The following PLPPR5 variants were observed in gnomAD, a reference collection of about 807,000 sequenced individuals.
The protein encoded by PLPPR5 is phospholipid phosphatase related 5, also known as phospholipid phosphatase-related protein type 5.
In PLPPR5, 16 loss-of-function variants were observed where a neutral mutation model predicts 33.9. The ratio of observed to expected loss-of-function variants is 0.47; its 90% CI spans 0.32 to 0.72. The LOEUF (loss-of-function observed/expected upper bound fraction) is 0.72. Ranked by LOEUF, PLPPR5 falls within the 30% of genes least tolerant of loss-of-function variation. The pLI is 0.03. For synonymous variants in PLPPR5, 163 were observed against 150.3 expected, an observed-to-expected ratio of 1.08 and a Z score of -0.62; for missense variants, 301 against 406.7, an observed-to-expected ratio of 0.74 and a Z score of 2.23.
chr1:98,920,293 C>T (rs1011976418), intron 4 of PLPPR5, among the ~76,000 whole-genome samples: 1 of 151,952 alleles, frequency 6.6e-6, no homozygotes, highest in Non-Finnish European at 1.5e-5. Flanking sequence ...ATGTTATGGA[C>T]CCGCAGAGCT....
chr1:98,963,589 C>A (rs912301363), intron 1 of PLPPR5, among the ~76,000 whole-genome samples: 11 of 152,104 alleles, frequency 7.2e-5, no homozygotes, highest in African/African-American at 2.7e-4. Flanking sequence ...GAGTCTGAAT[C>A]CAAGTTCAGA....
chr1:98,899,968 A>C (rs1648631525), intron 5 of PLPPR5, among the ~76,000 whole-genome samples: 1 of 151,968 alleles, frequency 6.6e-6, no homozygotes, highest in Non-Finnish European at 1.5e-5. Flanking sequence ...AACCTCCTCA[A>C]CTATAATAAC....
chr1:98,926,574 T>A (rs74641447), intron 3 of PLPPR5, among the ~76,000 whole-genome samples: 23 of 152,100 alleles, frequency 1.5e-4, no homozygotes, highest in African/African-American at 5.3e-4. Flanking sequence ...TCACATGAAC[T>A]GATGCCTTAT....
chr1:98,962,540 G>A (rs1651284233), intron 1 of PLPPR5, among the ~76,000 whole-genome samples: 1 of 152,004 alleles, frequency 6.6e-6, no homozygotes, highest in African/African-American at 2.4e-5. Flanking sequence ...CTTTTTTCCT[G>A]CATTAAAGCA....
chr1:98,960,286 C>T (rs11166148), intron 1 of PLPPR5, among the ~76,000 whole-genome samples: 16,856 of 151,996 alleles, frequency 0.11, 1,230 homozygotes, highest in East Asian at 0.25. Flanking sequence ...TCACTGCAAC[C>T]TCCTCCTTCC....
intron 1 of PLPPR5, among the ~76,000 whole-genome samples, chr1:98,982,437 C>T (rs1343966708): frequency 6.6e-6 from 1 of 152,042 alleles, no homozygotes; most frequent in African/African-American, 2.4e-5. Context: ...TGGCCAATTC[C>T]TCAAACAAGC....
intron 3 of PLPPR5, among the ~76,000 whole-genome samples, chr1:98,922,520 T>TAGAAAACA (rs1649604735): frequency 6.6e-6 from 1 of 152,176 alleles, no homozygotes; most frequent in Admixed American, 6.5e-5. Flanking sequence ...AAAACCAGCA[T>TAGAAAACA]TATGAATACA....
At chr1:98,964,210 A>ATATC (rs1344026817) in intron 1 of PLPPR5, among the ~76,000 whole-genome samples, 20 of 152,212 alleles carry the variant, frequency 1.3e-4, no homozygotes, top group Non-Finnish European at 1.8e-4. Context: ...TTTCTTTGAT[A>ATATC]AAACTTCCTT....
chr1:98,923,522 AT>A (rs111575797), intron 3 of PLPPR5, among the ~76,000 whole-genome samples: 4,716 of 147,178 alleles, frequency 0.032, 98 homozygotes, highest in Middle Eastern at 0.096. Flanking sequence ...TATCTTCTCT[AT>A]TTTTTTTTTT....
chr1:98,902,919 T>C lies in PLPPR5; in HGVS notation c.934-9815A>G, dbSNP rs1648749677. Among the ~76,000 whole-genome samples, 7 of 152,148 alleles carry C rather than the reference T, an allele frequency of 4.6e-5. No homozygotes were observed. The South Asian group carries it at 1.4e-3, about 31-fold the overall frequency. Reference sequence around the variant, plus strand: ...GAAAGATGCTTTTATAAAAGGCCTGTTAGATAACTGAAGGGAAAAGCTGTC... The same window carrying C: ...GAAAGATGCTTTTATAAAAGGCCTGCTAGATAACTGAAGGGAAAAGCTGTC... On this transcript the variant is annotated intron_variant, in intron 5 of 5. Coordinates refer to ENST00000263177, the MANE Select transcript of PLPPR5 (RefSeq NM_001037317.2).
intron 1 of PLPPR5, among the ~76,000 whole-genome samples, chr1:98,968,513 T>A (rs1013568143): frequency 6.6e-6 from 1 of 152,072 alleles, no homozygotes; most frequent in Admixed American, 6.6e-5. Flanking sequence ...AAAATTTAAC[T>A]GTCCCTAGGT....
intron 1 of PLPPR5, among the ~76,000 whole-genome samples, chr1:98,968,783 C>T (rs1411021): frequency 0.19 from 28,314 of 151,818 alleles, 2,703 homozygotes; most frequent in East Asian, 0.26. Context: ...ATGATGGCAT[C>T]ATTTTATTGT....
At chr1:98,948,549 G>C (rs1432218388) in intron 3 of PLPPR5, among the ~76,000 whole-genome samples, 2 of 152,100 alleles carry the variant, frequency 1.3e-5, no homozygotes, top group East Asian at 3.9e-4. Context: ...CCAACAATCT[G>C]GGCTGGCCTT....
chr1:98,986,793 C>T (rs1185319594), intron 1 of PLPPR5, among the ~76,000 whole-genome samples: 2 of 151,712 alleles, frequency 1.3e-5, no homozygotes, highest in African/African-American at 4.8e-5. Context: ...AAATTTGGTC[C>T]TCTGTTACAA....
intron 1 of PLPPR5, among the ~76,000 whole-genome samples, chr1:98,957,058 T>C (rs975422185): frequency 6.3e-4 from 96 of 151,510 alleles, no homozygotes; most frequent in Non-Finnish European, 1.3e-3. Flanking sequence ...AAATTGGAAA[T>C]CATCATTCTC....
intron 2 of PLPPR5, among the ~76,000 whole-genome samples, chr1:98,954,887 C>T (rs79402882): frequency 0.014 from 2,199 of 152,110 alleles, 13 homozygotes; most frequent in Admixed American, 0.017. Flanking sequence ...TTTGGTGTAA[C>T]GGGTTTTCCT....
At chr1:98,907,841 C>A (rs1290118841) in intron 5 of PLPPR5, among the ~76,000 whole-genome samples, 2 of 152,122 alleles carry the variant, frequency 1.3e-5, no homozygotes, top group African/African-American at 4.8e-5. Context: ...TTGTTGAAAC[C>A]AGGAAGACTA....
chr1:98,985,545 A>C (rs1358944669), intron 1 of PLPPR5, among the ~76,000 whole-genome samples: 2 of 152,048 alleles, frequency 1.3e-5, no homozygotes, highest in Non-Finnish European at 2.9e-5. Context: ...GTAATGTCCT[A>C]GGCCTTCACA....
intron 3 of PLPPR5, among the ~76,000 whole-genome samples, chr1:98,930,796 C>G (rs961415622): frequency 6.6e-6 from 1 of 151,998 alleles, no homozygotes; most frequent in Non-Finnish European, 1.5e-5. Flanking sequence ...CTCTTCTTTC[C>G]CCCTCTCAAG....
Sources: allele counts gnomAD v4.1 joint callset (sites outside exome capture counted in the v4.1 genomes callset), GRCh38; gene constraint gnomAD v4.1.1; transcripts MANE v1.5; gene names NCBI Gene and HGNC (gene_info 2026-07-23, HGNC 2026-07-21).